Variants in TET2 observed in about 807,000 individuals in gnomAD.
TET2 encodes methylcytosine dioxygenase TET2.
In TET2, 299 loss-of-function variants were observed where a neutral mutation model predicts 142.9. The ratio of observed to expected loss-of-function variants is 2.09; its 90% CI spans 1.90 to 2.30. TET2 has a LOEUF of 2.30. Among genes scored for constraint, TET2 ranks in the 30% most tolerant of loss-of-function variants. The probability of loss-of-function intolerance (pLI) is 0.00; values close to 1 mark genes in which losing one functional copy is unlikely to be tolerated. For missense variants in TET2, 2,418 were observed against 2,378.0 expected (o/e 1.02, Z -0.35); for synonymous variants, 819 against 849.0 (o/e 0.96, Z 0.61).
chr4:105,180,209 A>G (rs1405281825), intron 1 of TET2, among the ~76,000 whole-genome samples: 2 of 152,206 alleles, frequency 1.3e-5, no homozygotes, highest in African/African-American at 4.8e-5. Context: ...ACCTGAGTCA[A>G]CTTGGCATAA....
chr4:105,265,061 A>G (rs984081071), intron 8 of TET2, among the ~76,000 whole-genome samples: 2 of 152,116 alleles, frequency 1.3e-5, no homozygotes, highest in Non-Finnish European at 2.9e-5. Flanking sequence ...TGTCTTTTCT[A>G]TGCCTGCCTT....
chr4:105,149,550 AC>A (rs1723203040), intron 1 of TET2, among the ~76,000 whole-genome samples: 1 of 152,188 alleles, frequency 6.6e-6, no homozygotes, highest in African/African-American at 2.4e-5. Context: ...TGATCATACT[AC>A]CTAGGTGCTC....
At chr4:105,233,343 C>T (rs141868229) in intron 2 of TET2, among the ~76,000 whole-genome samples, 11,364 of 141,540 alleles carry the variant, frequency 0.08, 839 homozygotes, top group East Asian at 0.2. Context: ...AAGATTGTGC[C>T]GCTGCACTCC....
Position 105,235,117 on chromosome 4 carries a change from T to C in TET2, c.1175T>C (p.Phe392Ser), listed in dbSNP as rs1728766176. 1.2e-6 allele frequency: 2 copies of C among 1,613,816 alleles called. No homozygotes were observed. Among genetic ancestry groups the C allele is most frequent in the Admixed American group, 3.3e-5 (2 of 59,974 alleles). ...AGCTCAGTGTTCACTAAGGATTCCT[T>C]TTCTGCCACTACCACACCACCACCA... ...KQSSVFTKDS[F>S]SATTTPPPPS... The change falls in exon 3 of 11, where the codon TTT becomes TCT. Residue 392 changes from phenylalanine (F) to serine (S), a missense_variant. Physicochemically the swap from Phe to Ser is radical, Grantham distance 155 (BLOSUM62 -2). Transcript: ENST00000380013.
intron 6 of TET2, among the ~76,000 whole-genome samples, chr4:105,248,014 G>A (rs1474742445): frequency 3.3e-5 from 5 of 152,024 alleles, no homozygotes; most frequent in African/African-American, 9.7e-5. Flanking sequence ...GAGCTATCAC[G>A]CCCAGCTGAT....
intron 1 of TET2, among the ~76,000 whole-genome samples, chr4:105,186,575 G>A (rs780615972): frequency 3.3e-5 from 5 of 150,208 alleles, no homozygotes; most frequent in South Asian, 4.2e-4. Flanking sequence ...TCCTGGAGGC[G>A]ATTCTCCCGC....
At chr4:105,261,605 T>C (rs1169101369) in intron 7 of TET2, among the ~76,000 whole-genome samples, 154 bp from the exon 8 acceptor site, 1 of 152,126 alleles carries the variant, frequency 6.6e-6, no homozygotes, top group Non-Finnish European at 1.5e-5. Flanking sequence ...AATTAAATGA[T>C]AGTCATGTTT....
chr4:105,195,886 T>C (rs1021201586), intron 2 of TET2, among the ~76,000 whole-genome samples: 1 of 152,160 alleles, frequency 6.6e-6, no homozygotes, highest in Non-Finnish European at 1.5e-5. Context: ...GGACTTTTCT[T>C]AAAATATTTT....
At chr4:105,233,383 C>CAAAAAAA (rs34890297) in intron 2 of TET2, among the ~76,000 whole-genome samples, 869 of 76,080 alleles carry the variant, frequency 0.011, 123 homozygotes, top group African/African-American at 0.021. Flanking sequence ...GACTCCATCT[C>CAAAAAAA]AAAAAAAAAA....
chr4:105,229,575 CTGGGACTACA>C (rs1728382918), intron 2 of TET2, among the ~76,000 whole-genome samples: 1 of 151,900 alleles, frequency 6.6e-6, no homozygotes, highest in African/African-American at 2.4e-5. Context: ...TCCCAAAGTG[CTGGGACTACA>C]GGCGTGAGCC....
chr4:105,269,639 C>A lies in TET2; in HGVS notation c.4074C>A (p.Cys1358Ter), dbSNP rs1169359080. 1 of 1,551,488 alleles carries A rather than the reference C, an allele frequency of 6.4e-7. No individual in the cohort carries two copies. The highest frequency in any genetic ancestry group is 8.7e-7 in the Non-Finnish European group (1 of 1,146,908). ...QIEYEHRAPE[C>*]RLGLKEGRPF... ...AATATGAACACAGAGCACCAGAGTG[C>A]CGTCTGGGTCTGAAGGAAGGCCGTC... Residue 1358 changes from cysteine to a stop codon, truncating the protein, a stop_gained, in exon 9 of 11, where the codon TGC becomes TGA. Coordinates refer to ENST00000380013, the MANE Select transcript of TET2 (RefSeq NM_001127208.3). LOFTEE classifies it high-confidence loss of function.
In TET2 at chr4:105,275,110, C is replaced by T. The variant is rs966055775; in HGVS notation, c.4600C>T (p.Gln1534Ter). ...CCAGCAGCCCCAGCCTCTACAGAAG[C>T]AGCCACCACAGCCCCAGCAGCAGCA... ...QSQQPQPLQK[Q>*]PPQPQQQQRP... is the part of the protein sequence containing the mutation. Residue 1534 changes from glutamine (Q) to a stop codon, truncating the protein, a stop_gained, in exon 11 of 11, where the codon CAG (glutamine) becomes TAG (stop). Coordinates refer to ENST00000380013, the MANE Select transcript of TET2 (RefSeq NM_001127208.3). LOFTEE classifies it low-confidence loss of function (END_TRUNC). 4 of 1,551,128 alleles carry T rather than the reference C, an allele frequency of 2.6e-6. No individual in the cohort carries two copies. The highest frequency in any genetic ancestry group is 2.6e-6 in the Non-Finnish European group (3 of 1,146,668).
chr4:105,251,834 C>G (rs1729883583), intron 6 of TET2, among the ~76,000 whole-genome samples: 1 of 152,026 alleles, frequency 6.6e-6, no homozygotes, highest in African/African-American at 2.4e-5. Flanking sequence ...ATTCTCTACC[C>G]CTGGGCTTTC....
At position 105,165,887 on chromosome 4, in the gene TET2, ATTGT is replaced by A. The variant is rs765817066; in HGVS notation, c.-193+18911_-193+18914del. On this transcript the variant is annotated intron_variant, in intron 1 of 10. Coordinates refer to ENST00000380013, the MANE Select transcript of TET2 (RefSeq NM_001127208.3). ...CCACAATAATGCATTGCTTTAAAAA[ATTGT>A]TTATCAGTGTCAGACCATACCTTTC... 1.3e-5 allele frequency among the ~76,000 whole-genome samples: 2 copies of A among 152,294 alleles called. 1 individual carries two copies. The highest frequency in any genetic ancestry group is 4.1e-4 in the South Asian group (2 of 4,826).
chr4:105,207,336 A>G (rs1303157914), intron 2 of TET2, among the ~76,000 whole-genome samples: 1 of 152,208 alleles, frequency 6.6e-6, no homozygotes, highest in Non-Finnish European at 1.5e-5. Context: ...CTTTTGAAGT[A>G]CAAAGGGAGA....
At chr4:105,175,578 G>T (rs1560725937) in intron 1 of TET2, among the ~76,000 whole-genome samples, 1 of 152,162 alleles carries the variant, frequency 6.6e-6, no homozygotes, top group East Asian at 1.9e-4. Context: ...TTCAAGAACT[G>T]CAGGAGAACT....
chr4:105,234,173 CT>C lies in TET2; in HGVS notation c.234del (p.Phe78LeufsTer17). On this transcript the variant is annotated frameshift_variant, in exon 3 of 11. Transcript: ENST00000380013. LOFTEE classifies it high-confidence loss of function. ...GSQNSRVSPD[F>X]TQESRGYSKC... ...GCCAGAATAGTCGTGTGAGTCCTGACTTTACACAAGAAAGTAGAGGGTATTC... is the reference window on the plus strand; with the variant it reads ...GCCAGAATAGTCGTGTGAGTCCTGACTTACACAAGAAAGTAGAGGGTATTC... 1 of 1,614,150 alleles carries C rather than the reference CT, an allele frequency of 6.2e-7. No homozygotes were observed. The highest frequency in any genetic ancestry group is 8.5e-7 in the Non-Finnish European group (1 of 1,180,016).
chr4:105,245,445 C>G (rs1729538995), intron 6 of TET2, among the ~76,000 whole-genome samples: 1 of 152,056 alleles, frequency 6.6e-6, no homozygotes, highest in South Asian at 2.1e-4. Flanking sequence ...ATTCTCCTGC[C>G]TCAGCCTCCC....
At chr4:105,223,376 T>A (rs1727967604) in intron 2 of TET2, among the ~76,000 whole-genome samples, 1 of 152,150 alleles carries the variant, frequency 6.6e-6, no homozygotes. Flanking sequence ...TTAAATAATG[T>A]TAACTTTAAA....
Sources: allele counts gnomAD v4.1 joint callset (sites outside exome capture counted in the v4.1 genomes callset), GRCh38; gene constraint gnomAD v4.1.1; transcripts MANE v1.5; gene names NCBI Gene and HGNC (gene_info 2026-07-23, HGNC 2026-07-21).